Variants in GRK5 observed in about 807,000 individuals in gnomAD.
The protein encoded by GRK5 is G protein-coupled receptor kinase 5.
In GRK5, 40 loss-of-function variants were observed where a neutral mutation model predicts 78.4. That is an observed-to-expected ratio of 0.51 (90% CI 0.40 to 0.66). The LOEUF is 0.66. Ranked by LOEUF, GRK5 falls within the 30% of genes least tolerant of loss-of-function variation. The pLI, the probability that GRK5 is intolerant of heterozygous loss-of-function variation, is 0.00. For synonymous variants in GRK5, 289 were observed against 296.8 expected (o/e 0.97, Z 0.27); for missense variants, 598 against 759.9 (o/e 0.79, Z 2.50).
intron 8 of GRK5, among the ~76,000 whole-genome samples, chr10:119,432,747 C>T (rs1852844003): frequency 6.6e-6 from 1 of 152,182 alleles, no homozygotes; most frequent in Admixed American, 6.5e-5. Flanking sequence ...TATAGTCAGT[C>T]CCCATGGATG....
rs1849517404 is a variant in GRK5, at chr10:119,267,417, T to C, written c.53-59099T>C. 6.6e-6 allele frequency among the ~76,000 whole-genome samples: 1 copy of C among 152,132 alleles called. No individual in the cohort carries two copies. Among genetic ancestry groups the C allele is most frequent in the Admixed American group, 6.5e-5 (1 of 15,276 alleles). On this transcript the variant is annotated intron_variant, in intron 1 of 15. Coordinates refer to ENST00000392870, the MANE Select transcript of GRK5 (RefSeq NM_005308.3). The surrounding 1 kb of genome is among the most constrained non-coding windows in gnomAD (Gnocchi z 4.1). ...GTCTGGCGCTGCTTTAGATGACCCCTGCTGCTGTCAGATTGCCCGTCTGGG... is the reference window on the plus strand; with the variant it reads ...GTCTGGCGCTGCTTTAGATGACCCCCGCTGCTGTCAGATTGCCCGTCTGGG...
At chr10:119,414,626 GC>G (rs1852410541) in intron 4 of GRK5, among the ~76,000 whole-genome samples, 1 of 152,138 alleles carries the variant, frequency 6.6e-6, no homozygotes, top group African/African-American at 2.4e-5. Context: ...TTGCTCCCAG[GC>G]CAACTATGTG....
At chr10:119,246,705 C>T (rs1360618306) in intron 1 of GRK5, among the ~76,000 whole-genome samples, 2 of 152,170 alleles carry the variant, frequency 1.3e-5, no homozygotes, top group African/African-American at 4.8e-5. Flanking sequence ...TGTGGCAGAG[C>T]GTACAATTAT....
chr10:119,215,026 T>C (rs1454798935), intron 1 of GRK5, among the ~76,000 whole-genome samples: 2 of 152,206 alleles, frequency 1.3e-5, no homozygotes, highest in Non-Finnish European at 2.9e-5. Context: ...GCTGCATTCT[T>C]TTCTGGCTTT....
intron 10 of GRK5, among the ~76,000 whole-genome samples, chr10:119,441,753 C>A (rs1421652525): frequency 6.6e-6 from 1 of 152,236 alleles, no homozygotes; most frequent in Non-Finnish European, 1.5e-5. Flanking sequence ...CAACGTCCAG[C>A]CGGGTCCAGG....
At position 119,305,404 on chromosome 10, in the gene GRK5, G is replaced by C. The variant is rs550505446; in HGVS notation, c.53-21112G>C. Among the ~76,000 whole-genome samples the C allele has an allele frequency of 1.9e-4, 29 of 152,350 alleles. 1 individual carries two copies. In the South Asian group the frequency reaches 6.0e-3, roughly 32 times the overall value. On this transcript the variant is annotated intron_variant, in intron 1 of 15. Transcript: ENST00000392870. ...TCGTTCACAGACATGTCAGAGGTCT[G>C]CTGTGTGCCAGGCACATGTCCTAGG...
intron 1 of GRK5, among the ~76,000 whole-genome samples, chr10:119,233,475 T>A (rs1430615221): frequency 6.6e-6 from 1 of 152,042 alleles, no homozygotes; most frequent in African/African-American, 2.4e-5. Flanking sequence ...TATCTGAGAA[T>A]AAAGGCGGCA....
chr10:119,443,295 G>A (rs889945406), intron 11 of GRK5, among the ~76,000 whole-genome samples: 3 of 152,184 alleles, frequency 2.0e-5, no homozygotes, highest in African/African-American at 7.2e-5. Flanking sequence ...AGTAGCTCAT[G>A]TTCTAGGCGA....
At chr10:119,298,434 A>T (rs948771642) in intron 1 of GRK5, among the ~76,000 whole-genome samples, 2 of 152,118 alleles carry the variant, frequency 1.3e-5, no homozygotes, top group African/African-American at 4.8e-5. Flanking sequence ...TTCTGGTCCC[A>T]CCGATGGCCG....
chr10:119,270,494 A>G (rs1273145706), intron 1 of GRK5, among the ~76,000 whole-genome samples: 1 of 152,268 alleles, frequency 6.6e-6, no homozygotes, highest in Non-Finnish European at 1.5e-5. Context: ...CATGGGCTTT[A>G]TACAAATACT....
At chr10:119,287,774 G>T (rs766435428) in intron 1 of GRK5, among the ~76,000 whole-genome samples, 22 of 152,178 alleles carry the variant, frequency 1.4e-4, no homozygotes, top group South Asian at 4.1e-4. Flanking sequence ...ACCGTATCCA[G>T]CGCCGGGGCT....
intron 8 of GRK5, among the ~76,000 whole-genome samples, chr10:119,435,631 CA>C (rs1298399460): frequency 6.6e-6 from 1 of 152,216 alleles, no homozygotes; most frequent in African/African-American, 2.4e-5. Context: ...GCATTTTGGG[CA>C]AAGCCATTCA....
rs577333626 is a variant in GRK5, at chr10:119,394,798, T to G, written c.262-1897T>G. Among the ~76,000 whole-genome samples, 142 of 148,436 alleles carry G rather than the reference T, an allele frequency of 9.6e-4. 3 individuals carry two copies. The highest frequency in any genetic ancestry group is 3.4e-3 in the African/African-American group (135 of 39,230). ...GTGTGTGGGCACGTGTATGTTTGGG[T>G]GTGTGGGTGTGTGTGTGGGTGTGTG... On this transcript the variant is annotated intron_variant, in intron 3 of 15. Coordinates refer to ENST00000392870, the MANE Select transcript of GRK5 (RefSeq NM_005308.3).
intron 6 of GRK5, 63 bp downstream of exon 6, chr10:119,425,148 T>G (rs1203191125): frequency 8.1e-7 from 1 of 1,235,584 alleles, no homozygotes; most frequent in Admixed American, 1.7e-5. Flanking sequence ...CATCTGAGAA[T>G]TCATATAAAA....
chr10:119,443,081 C>G (rs1564937229), intron 11 of GRK5, among the ~76,000 whole-genome samples: 2 of 152,196 alleles, frequency 1.3e-5, no homozygotes, highest in Non-Finnish European at 2.9e-5. Context: ...GCTGATGCTG[C>G]AGAACTATCT....
chr10:119,216,675 AG>A (rs968318051), intron 1 of GRK5, among the ~76,000 whole-genome samples: 14 of 151,296 alleles, frequency 9.3e-5, no homozygotes, highest in African/African-American at 2.9e-4. Context: ...AAAAATGGCC[AG>A]GCGTGGTGGC....
chr10:119,344,926 C>CTTCCTTCCTTCT (rs1282486689), intron 2 of GRK5, among the ~76,000 whole-genome samples: 1 of 144,756 alleles, frequency 6.9e-6, no homozygotes, highest in African/African-American at 2.6e-5. Context: ...TCCTTCCTTC[C>CTTCCTTCCTTCT]TTCCTTCCTT....
At chr10:119,221,925 T>A (rs1848661285) in intron 1 of GRK5, among the ~76,000 whole-genome samples, 2 of 152,182 alleles carry the variant, frequency 1.3e-5, no homozygotes, top group Admixed American at 1.3e-4. Context: ...AAATTAAGGT[T>A]GAGTTCAGTC....
intron 3 of GRK5, among the ~76,000 whole-genome samples, chr10:119,395,449 G>T (rs966749638): frequency 6.6e-6 from 1 of 152,188 alleles, no homozygotes; most frequent in Non-Finnish European, 1.5e-5. Flanking sequence ...CTGCATGGTG[G>T]GACGCCTGGG....
Sources: gnomAD v4.1 joint callset for allele counts (sites outside exome capture counted in the v4.1 genomes callset) on GRCh38, gnomAD v4.1.1 for gene constraint, Gnocchi (gnomAD v3.1) non-coding constraint, MANE v1.5 for transcripts, NCBI Gene and HGNC (gene_info 2026-07-23, HGNC 2026-07-21) for gene names.